TNRC6B: variants seen among roughly 807,000 people sequenced by gnomAD.
The protein encoded by TNRC6B is trinucleotide repeat-containing gene 6B protein.
In TNRC6B, 52 loss-of-function variants were observed where a neutral mutation model predicts 203.6. The ratio of observed to expected loss-of-function variants is 0.26; its 90% CI spans 0.20 to 0.32. The LOEUF is 0.32. TNRC6B is among the 10% of genes least tolerant of loss of function. The pLI, the probability that TNRC6B is intolerant of heterozygous loss-of-function variation, is 1.00. For synonymous variants in TNRC6B, 838 were observed against 845.7 expected (o/e 0.99, Z 0.16); for missense variants, 1,923 against 2,286.2 (o/e 0.84, Z 3.24).
chr22:40,077,237 G>T (rs1041951615), intron 1 of TNRC6B, among the ~76,000 whole-genome samples: 4 of 151,974 alleles, frequency 2.6e-5, no homozygotes, highest in African/African-American at 9.7e-5. Flanking sequence ...GTCTGCATAG[G>T]TTATCTCTCC....
rs192054219 is a variant in TNRC6B at position 40,225,721 on chromosome 22, C to T, written c.6-20294C>T. On this transcript the variant is annotated intron_variant, in intron 1 of 22. Coordinates refer to ENST00000454349, the MANE Select transcript of TNRC6B (RefSeq NM_001162501.2). ...TCGTGCCACTCCACTCCAGCCTGAG[C>T]GACAGAGTGAGACTCCGTCTCAAAA... 1.6e-3 allele frequency among the ~76,000 whole-genome samples: 183 copies of T among 117,684 alleles called. 3 individuals carry two copies. Among genetic ancestry groups the T allele is most frequent in the Admixed American group, 2.7e-4 (2 of 7,504 alleles). The allele number at this position is 117,684 out of a possible 152,430, so 77.2% of individuals were successfully genotyped here.
chr22:40,301,553 C>A, intron 15 of TNRC6B: 1 of 551,862 alleles, frequency 1.8e-6, no homozygotes. Flanking sequence ...AGGCCTCTAA[C>A]TTCTCTGGCT....
At chr22:40,052,452 T>C (rs2067756293) in intron 1 of TNRC6B, among the ~76,000 whole-genome samples, 1 of 136,304 alleles carries the variant, frequency 7.3e-6, no homozygotes, top group African/African-American at 2.9e-5. Context: ...GTATTTTTTT[T>C]TTTTTTTTTT....
intron 1 of TNRC6B, among the ~76,000 whole-genome samples, chr22:40,077,869 A>G (rs937974858): frequency 9.9e-5 from 15 of 152,166 alleles, no homozygotes; most frequent in African/African-American, 2.7e-4. Context: ...TGCTGTGACT[A>G]TCTTTCTGTG....
At chr22:40,154,860 AATATATATAT>A (rs71199273) in intron 3 of TNRC6B, among the ~76,000 whole-genome samples, 21 of 23,588 alleles carry the variant, frequency 8.9e-4, no homozygotes, top group African/African-American at 1.6e-3. Flanking sequence ...AAAAAAAAAA[AATATATATAT>A]ATATATATAT....
In TNRC6B at chr22:40,084,094, T is replaced by C. The variant is rs537553430; in HGVS notation, c.-120-32961T>C. Among the ~76,000 whole-genome samples the C allele has an allele frequency of 7.9e-5, 12 of 152,176 alleles. 1 individual carries two copies. The highest frequency in any genetic ancestry group is 2.9e-4 in the African/African-American group (12 of 41,502). ...GAAGGGAGTTGCTTGAGTTCTGGGA[T>C]TGTGGAGTTTGAGAGAAGGAGACCT... On this transcript the variant is annotated intron_variant, in intron 1 of 23. Transcript: ENST00000301923.
At chr22:40,180,427 G>A (rs2069117039) in intron 1 of TNRC6B, among the ~76,000 whole-genome samples, 1 of 152,224 alleles carries the variant, frequency 6.6e-6, no homozygotes. Context: ...AGGCAGAACA[G>A]AGAATGATAC....
rs1215892101 is a variant in TNRC6B at position 40,334,487 on chromosome 22, C to G, written c.*11246C>G. 7.2e-5 allele frequency: 11 copies of G among 152,590 alleles called. No homozygotes were observed. Among genetic ancestry groups the G allele is most frequent in the Non-Finnish European group, 1.5e-5 (1 of 68,052 alleles). The allele number at this position is 152,590 out of a possible 1,614,324, so 9.5% of individuals were successfully genotyped here. A position where few individuals can be genotyped will look rare whatever the true frequency, so the allele number is the denominator to read the frequency against. On this transcript the variant is annotated 3_prime_UTR_variant, in exon 23 of 23. Transcript: ENST00000454349. ...TGTGCTTATAACTTCACATTCTATG[C>G]CCTCCCCGCCACCCACCTCATCCCT...
At chr22:40,125,509 C>T (rs909854752) in intron 2 of TNRC6B, among the ~76,000 whole-genome samples, 3 of 152,136 alleles carry the variant, frequency 2.0e-5, no homozygotes, top group Non-Finnish European at 4.4e-5. Context: ...GGAAAGAAAT[C>T]TAGAGCTATT....
chr22:40,050,825 TG>T (rs932648146), intron 1 of TNRC6B, among the ~76,000 whole-genome samples: 42 of 149,952 alleles, frequency 2.8e-4, no homozygotes, highest in Admixed American at 6.6e-5. Context: ...TTTTTGTTTT[TG>T]GGTTTTTTTT....
At chr22:40,210,074 C>T (rs2069540655) in intron 1 of TNRC6B, among the ~76,000 whole-genome samples, 1 of 151,794 alleles carries the variant, frequency 6.6e-6, no homozygotes, top group African/African-American at 2.4e-5. Context: ...TGGTGACCTG[C>T]AAACTGCAGG....
Position 40,285,836 on chromosome 22 carries a change from C to A in TNRC6B, c.3708+66C>A. ...ATTTCACATCATTACCAGTTGTTAA[C>A]TGATTTTTGTGGGCATAAAAAGAAT... On this transcript the variant is annotated intron_variant, in intron 12 of 22. Coordinates refer to ENST00000454349, the MANE Select transcript of TNRC6B (RefSeq NM_001162501.2). 3 of 1,570,362 alleles carry A rather than the reference C, an allele frequency of 1.9e-6. No individual in the cohort carries two copies. The South Asian group carries it at 3.5e-5, about 19-fold the overall frequency.
chr22:40,259,785 G>A (rs1240409706), intron 3 of TNRC6B, among the ~76,000 whole-genome samples: 2 of 152,192 alleles, frequency 1.3e-5, no homozygotes, highest in African/African-American at 4.8e-5. Context: ...AGTTCAGCAA[G>A]CAACATGCTG....
At chr22:40,052,666 C>A (rs1034344322) in intron 1 of TNRC6B, among the ~76,000 whole-genome samples, 1 of 151,986 alleles carries the variant, frequency 6.6e-6, no homozygotes, top group African/African-American at 2.4e-5. Context: ...CCAGGCTGGT[C>A]TGGATCTCCC....
intron 1 of TNRC6B, among the ~76,000 whole-genome samples, chr22:40,186,494 C>T (rs2069204971): frequency 6.6e-6 from 1 of 151,976 alleles, no homozygotes; most frequent in South Asian, 2.1e-4. Context: ...AATCCCAGCA[C>T]TTTGGGAGGC....
chr22:40,114,383 TA>T (rs1413904721), intron 1 of TNRC6B, among the ~76,000 whole-genome samples: 1 of 152,144 alleles, frequency 6.6e-6, no homozygotes, highest in Non-Finnish European at 1.5e-5. Flanking sequence ...TGCAGTGGTG[TA>T]ATCATGGTTC....
chr22:40,164,135 A>C (rs946889747), intron 4 of TNRC6B, among the ~76,000 whole-genome samples: 1 of 152,030 alleles, frequency 6.6e-6, no homozygotes, highest in African/African-American at 2.4e-5. Flanking sequence ...ACATTGAAGC[A>C]CTTTGGGAGG....
chr22:40,072,961 G>A (rs913271877), intron 1 of TNRC6B, among the ~76,000 whole-genome samples: 1 of 148,770 alleles, frequency 6.7e-6, no homozygotes, highest in Non-Finnish European at 1.5e-5. Flanking sequence ...ACTTTTGCTT[G>A]TCATAATGAG....
intron 3 of TNRC6B, among the ~76,000 whole-genome samples, chr22:40,132,491 A>AGGCGAG (rs536451969): frequency 1.9e-4 from 17 of 89,422 alleles, no homozygotes; most frequent in Admixed American, 5.9e-4. Flanking sequence ...AATAAAGGCG[A>AGGCGAG]GGCGAGGGCG....
Sources: allele counts gnomAD v4.1 joint callset (sites outside exome capture counted in the v4.1 genomes callset), GRCh38; gene constraint gnomAD v4.1.1; transcripts MANE v1.5; gene names NCBI Gene and HGNC (gene_info 2026-07-23, HGNC 2026-07-21).